Variants in TONSL observed in about 807,000 individuals in gnomAD.
TONSL encodes tonsoku like, DNA repair protein, also known as tonsoku-like protein.
Under a neutral mutation model 147.1 loss-of-function variants are expected in TONSL, and 112 were observed. That is an observed-to-expected ratio of 0.76 (90% CI 0.65 to 0.89). TONSL has a LOEUF of 0.89. TONSL is among the 40% of genes least tolerant of loss of function. The pLI is 0.00. For synonymous variants in TONSL, 868 were observed against 801.5 expected, an observed-to-expected ratio of 1.08 and a Z score of -1.40; for missense variants, 1,883 against 1,864.6, an observed-to-expected ratio of 1.01 and a Z score of -0.18.
In TONSL at chr8:144,433,768, G is replaced by A. The variant is rs782437716; in HGVS notation, c.3388-9C>T. On this transcript the variant is annotated splice_polypyrimidine_tract_variant and intron_variant, in intron 21 of 25. Transcript: ENST00000409379. ...TCCAGCTCCTCCAAACTCTGTGGAA[G>A]ACACAGGCTGGCAGTGAGCCCCCAG... The A allele has an allele frequency of 4.5e-6, 7 of 1,558,508 alleles. No individual in the cohort carries two copies. Among genetic ancestry groups the A allele is most frequent in the Non-Finnish European group, 5.2e-6 (6 of 1,152,938 alleles).
At chr8:144,442,467 T>G (rs1823756603) in intron 5 of TONSL, 55 bp from the exon 6 acceptor site, 4 of 1,504,498 alleles carry the variant, frequency 2.7e-6, no homozygotes, top group South Asian at 2.6e-5. Context: ...CAGCTGCTGA[T>G]GCCACACGGG....
intron 7 of TONSL, 195 bp downstream of exon 7, chr8:144,441,842 G>A: frequency 5.3e-6 from 3 of 566,584 alleles, no homozygotes; most frequent in Non-Finnish European, 9.4e-6. Context: ...TGAGCTCAGA[G>A]AAAAAAGGGG....
At chr8:144,432,707 G>A (rs947262994) in intron 22 of TONSL, 5 of 414,940 alleles carry the variant, frequency 1.2e-5, no homozygotes, top group African/African-American at 8.3e-5. Context: ...ACAACCACAC[G>A]GTCCTGGGCC....
Position 144,444,391 on chromosome 8 carries a change from G to A in TONSL, c.24C>T (p.Arg8=), listed in dbSNP as rs1296590707. The A allele has an allele frequency of 7.9e-7, 1 of 1,272,398 alleles. No individual in the cohort carries two copies. Among genetic ancestry groups the A allele is most frequent in the Non-Finnish European group, 9.9e-7 (1 of 1,007,322 alleles). The allele number at this position is 1,272,398 out of a possible 1,614,324, so 78.8% of individuals were successfully genotyped here. A position where few individuals can be genotyped will look rare whatever the true frequency, so the allele number is the denominator to read the frequency against. ...GGAAGGGGTCCCCGAGGAACTTACG[G>A]CGAAGCTCGCGCTCCAGGCTCATGC... MSLEREL[R]QLSKAKAKAQ... The change falls in exon 1 of 26, where the codon CGC becomes CGT. Residue 8 remains arginine, a splice_region_variant and synonymous_variant. Coordinates refer to ENST00000409379, the MANE Select transcript of TONSL (RefSeq NM_013432.5).
intron 3 of TONSL, among the ~76,000 whole-genome samples, chr8:144,443,592 A>G (rs552145371): frequency 3.2e-4 from 48 of 152,342 alleles, no homozygotes; most frequent in African/African-American, 1.0e-3. Context: ...TCCAGCAGCC[A>G]GGGTCAGGGA....
Position 144,441,054 on chromosome 8 carries a change from T to C in TONSL, c.923A>G (p.Gln308Arg). Residue 308 changes from glutamine to arginine, a missense_variant, in exon 8 of 26, where the codon CAG becomes CGG. By Grantham distance (43) the Gln-to-Arg change is conservative. Transcript: ENST00000409379. The part of the protein sequence containing the change: ...QLEEAEGRDP[Q>R]GAMVICEQLG... ...CTGCTCACAGATGACCATGGCACCCTGAGGGTCTCTGCCCTCAGCCTCTTC... is the reference window on the plus strand; with the variant it reads ...CTGCTCACAGATGACCATGGCACCCCGAGGGTCTCTGCCCTCAGCCTCTTC... 3 of 1,612,960 alleles carry C rather than the reference T, an allele frequency of 1.9e-6. No individual in the cohort carries two copies. The highest frequency in any genetic ancestry group is 2.5e-6 in the Non-Finnish European group (3 of 1,179,982).
At chr8:144,437,259 T>C (rs571478353) in intron 13 of TONSL, among the ~76,000 whole-genome samples, 160 bp from the exon 14 acceptor site, 1 of 152,308 alleles carries the variant, frequency 6.6e-6, no homozygotes, top group Admixed American at 6.5e-5. Flanking sequence ...GTGTCACCAG[T>C]GAAGGACATG....
rs1823045302 is a variant in TONSL, at chr8:144,429,076, A to C, written c.*67T>G. On this transcript the variant is annotated 3_prime_UTR_variant, in exon 26 of 26. Transcript: ENST00000409379. ...AGTGTTGGGATTACAGGCGTGAGCC[A>C]CCGCGCCCGGCCAGCAGCTTCATTT... The C allele has an allele frequency of 2.1e-6, 3 of 1,444,852 alleles. No homozygotes were observed. The highest frequency in any genetic ancestry group is 2.9e-5 in the African/African-American group (2 of 68,162). 89.5% of individuals were successfully genotyped at this position (1,444,852 alleles called of 1,614,324 possible).
In TONSL at chr8:144,435,666, G is replaced by T. The variant is rs763249704; in HGVS notation, c.2767C>A (p.Gln923Lys). The T allele has an allele frequency of 6.2e-7, 1 of 1,600,990 alleles. No homozygotes were observed. Among genetic ancestry groups the T allele is most frequent in the African/African-American group, 1.3e-5 (1 of 74,690 alleles). Residue 923 changes from glutamine to lysine, a missense_variant, in exon 17 of 26, where the codon CAG becomes AAG. Coordinates refer to ENST00000409379, the MANE Select transcript of TONSL (RefSeq NM_013432.5). ...CAGGTCTGCATACCCACCAAGGGCT[G>T]GCCTGCCGCAGAGCTGTCCCCACTG... The part of the protein sequence containing the change: ...EPSGDSSAAG[Q>K]PLGPAPPPPI...
In TONSL at chr8:144,435,175, A is replaced by G; in HGVS notation, c.2853-5T>C. 1 of 1,524,046 alleles carries G rather than the reference A, an allele frequency of 6.6e-7. No individual in the cohort carries two copies. Among genetic ancestry groups the G allele is most frequent in the East Asian group, 2.4e-5 (1 of 42,384 alleles). 94.4% of individuals were successfully genotyped at this position (1,524,046 alleles called of 1,614,324 possible). ...GCCACAGAGTGGGTGTCACTGCTGC[A>G]GGGACAGAGGCGCTGCTGCTGCTGC... is the stretch of plus-strand genomic sequence containing the variant. On this transcript the variant is annotated splice_region_variant and splice_polypyrimidine_tract_variant and intron_variant, in intron 18 of 25. Transcript: ENST00000409379.
At chr8:144,433,312 G>A (rs550010289) in intron 22 of TONSL, 28 of 337,420 alleles carry the variant, frequency 8.3e-5, no homozygotes, top group Non-Finnish European at 2.8e-5. Flanking sequence ...TCCTGACCTC[G>A]TGATCTGCCC....
intron 23 of TONSL, 124 bp downstream of exon 23, chr8:144,432,161 C>G (rs1330374080): frequency 1.8e-6 from 2 of 1,102,852 alleles, no homozygotes; most frequent in Non-Finnish European, 2.6e-6. Flanking sequence ...AAACCTCTAA[C>G]TCTCTCTGTA....
At position 144,434,125 on chromosome 8, in the gene TONSL, G is replaced by T. The variant is rs782514679; in HGVS notation, c.3240C>A (p.Asn1080Lys). ...CAGCCACACACTTGTCCCCCAGCCG[G>T]TTCCCTGCCAGGCGCAGCTCCCGGA... ...TALRELRLAG[N>K]RLGDKCVAEL... Residue 1080 changes from asparagine to lysine, a missense_variant, in exon 21 of 26, where the codon AAC becomes AAA. Transcript: ENST00000409379. 1 of 1,612,066 alleles carries T rather than the reference G, an allele frequency of 6.2e-7. No individual in the cohort carries two copies. The highest frequency in any genetic ancestry group is 8.5e-7 in the Non-Finnish European group (1 of 1,179,500).
chr8:144,430,670 C>T (rs1244001596), intron 24 of TONSL, 133 bp from the exon 25 acceptor site: 3 of 1,144,030 alleles, frequency 2.6e-6, no homozygotes, highest in Non-Finnish European at 3.6e-6. Flanking sequence ...TCAGCCTGGC[C>T]CAGTAGCAGG....
In TONSL at chr8:144,442,633, G is replaced by A. The variant is rs559271589; in HGVS notation, c.578+44C>T. 3 of 1,595,622 alleles carry A rather than the reference G, an allele frequency of 1.9e-6. No homozygotes were observed. The South Asian group carries it at 3.3e-5, about 18-fold the overall frequency. On this transcript the variant is annotated intron_variant, in intron 5 of 25. Coordinates refer to ENST00000409379, the MANE Select transcript of TONSL (RefSeq NM_013432.5). ...ATACTCCCCTAACTACTTCCTCCAG[G>A]AACAAGGGACTCCACTCCCTCCTGG... is the stretch of plus-strand genomic sequence containing the variant.
At chr8:144,430,270 C>G (rs1554878344) in intron 25 of TONSL, 134 bp downstream of exon 25, 1 of 1,120,410 alleles carries the variant, frequency 8.9e-7, no homozygotes, top group Non-Finnish European at 1.2e-6. Context: ...CCCCCTGCTG[C>G]CCCAGCCTCA....
chr8:144,431,275 CG>C, intron 23 of TONSL, 124 bp from the exon 24 acceptor site: 1 of 808,264 alleles, frequency 1.2e-6, no homozygotes, highest in East Asian at 2.5e-5. Context: ...AGTTGGAGAT[CG>C]GAAGGAAACA....
Position 144,429,177 on chromosome 8 carries a change from TC to T in TONSL, c.4102del (p.Asp1368ThrfsTer25). On this transcript the variant is annotated frameshift_variant, in exon 26 of 26. Coordinates refer to ENST00000409379, the MANE Select transcript of TONSL (RefSeq NM_013432.5). LOFTEE classifies it high-confidence loss of function. ...SRPGPGECTL[D>X]HGSKLFFRRL The stretch of plus-strand genomic sequence containing the variant: ...CCGAAAGAAGAGCTTGGAGCCGTGG[TC>T]CAGCGTGCACTCGCCGGGGCCCGGC... 6.5e-7 allele frequency: 1 copy of T among 1,534,088 alleles called. No individual in the cohort carries two copies. The highest frequency in any genetic ancestry group is 8.7e-7 in the Non-Finnish European group (1 of 1,144,876).
intron 11 of TONSL, among the ~76,000 whole-genome samples, chr8:144,439,122 A>C (rs1445351702): frequency 6.6e-6 from 1 of 150,646 alleles, no homozygotes; most frequent in Non-Finnish European, 1.5e-5. Flanking sequence ...ATCCACCCCC[A>C]TCTCCTGAGC....
Sources: gnomAD v4.1 joint callset for allele counts (sites outside exome capture counted in the v4.1 genomes callset) on GRCh38, gnomAD v4.1.1 for gene constraint, MANE v1.5 for transcripts, NCBI Gene and HGNC (gene_info 2026-07-23, HGNC 2026-07-21) for gene names.